The following IDH3B variants were observed in gnomAD, a reference collection of about 807,000 sequenced individuals.
The protein encoded by IDH3B is isocitrate dehydrogenase [NAD] subunit beta, mitochondrial.
IDH3B carries 40 observed loss-of-function variants against 47.5 expected under a neutral mutation model. The ratio of observed to expected loss-of-function variants is 0.84; its 90% confidence interval spans 0.65 to 1.10. The LOEUF (loss-of-function observed/expected upper bound fraction) is 1.10, where lower values mean the gene tolerates loss of function less well. Among genes scored for constraint, IDH3B ranks in the 50% least tolerant of loss-of-function variants. IDH3B has a pLI of 0.00. For missense variants in IDH3B, 450 were observed against 505.2 expected, an observed-to-expected ratio of 0.89 and a Z score of 1.05; for synonymous variants, 185 against 191.0, an observed-to-expected ratio of 0.97 and a Z score of 0.26.
chr20:2,660,116 TA>T lies in IDH3B; in HGVS notation c.828del (p.Ile277LeufsTer43). ...ACCAGGCCAGCAGCCAGATTGTCAATAATGTTCCCATAGAGATTGGGCATCA... is the reference window on the plus strand; with the variant it reads ...ACCAGGCCAGCAGCCAGATTGTCAATATGTTCCCATAGAGATTGGGCATCA... ...VLVMPNLYGNIIDNLAAGLVG... is the reference protein window; with the variant it reads ...VLVMPNLYGNXIDNLAAGLVG... On this transcript the variant is annotated frameshift_variant, in exon 9 of 12. Transcript: ENST00000380843. LOFTEE classifies it high-confidence loss of function. The surrounding 1 kb of genome is among the most constrained non-coding windows in gnomAD (Gnocchi z 5.6). 6.2e-7 allele frequency: 1 copy of T among 1,614,092 alleles called. No individual in the cohort carries two copies. Among genetic ancestry groups the T allele is most frequent in the South Asian group, 1.1e-5 (1 of 91,072 alleles).
At chr20:2,663,378 G>T (rs2086984120) in intron 4 of IDH3B, 68 bp downstream of exon 4, 2 of 1,575,010 alleles carry the variant, frequency 1.3e-6, no homozygotes, top group Admixed American at 1.7e-5. Flanking sequence ...TGGGGAGAAG[G>T]GCTTAATAAA....
chr20:2,658,902 C>CAA, intron 11 of IDH3B, 65 bp from the exon 12 acceptor site: 1 of 1,606,258 alleles, frequency 6.2e-7, no homozygotes, highest in Non-Finnish European at 8.5e-7. Context: ...GGAGGTAGGG[C>CAA]AATGTGATTG....
intron 4 of IDH3B, 112 bp downstream of exon 4, chr20:2,663,329 ATGGTG>A: frequency 8.2e-7 from 1 of 1,215,496 alleles, no homozygotes; most frequent in Non-Finnish European, 1.2e-6. Flanking sequence ...CCAAATACCA[ATGGTG>A]GTTGCCCTGG....
In IDH3B at chr20:2,660,873, C is replaced by T. The variant is rs747805919; in HGVS notation, c.398+36G>A. 3 of 1,614,198 alleles carry T rather than the reference C, an allele frequency of 1.9e-6. No individual in the cohort carries two copies. The highest frequency in any genetic ancestry group is 2.2e-5 in the South Asian group (2 of 91,084). On this transcript the variant is annotated intron_variant, in intron 5 of 11. Transcript: ENST00000380843. This position sits in a 1 kb window ranked among gnomAD's most constrained non-coding sequence, Gnocchi z 5.6. ...ATCAGCTCTGCTCCTGGTGCCCTGG[C>T]ACCTCTCAACCATTCACCCCACCCA...
intron 11 of IDH3B, 132 bp downstream of exon 11, chr20:2,659,393 G>GT: frequency 6.4e-7 from 1 of 1,553,910 alleles, no homozygotes; most frequent in Non-Finnish European, 8.9e-7. Flanking sequence ...ATGCAGGGAT[G>GT]TCAGGGAGCA....
In IDH3B at chr20:2,659,577, T is replaced by C. The variant is rs1568547187; in HGVS notation, c.1019A>G (p.Tyr340Cys). ...SNMLRHLNLE[Y>C]HSSMIADAVK... ...CGCATCTGCGATCATGCTGGAGTGATACTCAAGACTGTGGATATGGACAGG... is the reference window on the plus strand; with the variant it reads ...CGCATCTGCGATCATGCTGGAGTGACACTCAAGACTGTGGATATGGACAGG... The change falls in exon 11 of 12, where the codon TAT (tyrosine) becomes TGT (cysteine). Residue 340 changes from tyrosine to cysteine, a missense_variant. Tyr to Cys is a radical substitution (Grantham distance 194). Transcript: ENST00000380843. 3 of 1,614,220 alleles carry C rather than the reference T, an allele frequency of 1.9e-6. No homozygotes were observed. Among genetic ancestry groups the C allele is most frequent in the Non-Finnish European group, 8.5e-7 (1 of 1,180,014 alleles).
Position 2,660,320 on chromosome 20 carries a change from A to G in IDH3B, c.711T>C (p.Ala237=), listed in dbSNP as rs200478735. 2 of 1,614,106 alleles carry G rather than the reference A, an allele frequency of 1.2e-6. No individual in the cohort carries two copies. The highest frequency in any genetic ancestry group is 1.7e-6 in the Non-Finnish European group (2 of 1,179,994). The change falls in exon 8 of 12, where the codon GCT becomes GCC. Residue 237 remains alanine, a synonymous_variant. Transcript: ENST00000380843. The surrounding 1 kb of genome is among the most constrained non-coding windows in gnomAD (Gnocchi z 5.6). ...CAAATTTGATTTTGGGGTACAGTTC[A>G]GCAACTTCCTCACAGCACTGCAGGA... ...GLFLQCCEEV[A]ELYPKIKFET... is the part of the protein sequence containing the mutation.
chr20:2,659,875 G>A, intron 9 of IDH3B, 82 bp from the exon 10 acceptor site: 3 of 1,424,308 alleles, frequency 2.1e-6, no homozygotes, highest in Non-Finnish European at 3.0e-6. Flanking sequence ...GACATTATGG[G>A]AGGGGGAGCT....
rs1241447666 is a variant in IDH3B, at chr20:2,658,528, G to A, written c.*223C>T. ...CCCATGTCAGAGGTTCGAACCTGTGGGGGAGAATCATCATCATCCATGTGG... is the reference window on the plus strand; with the variant it reads ...CCCATGTCAGAGGTTCGAACCTGTGAGGGAGAATCATCATCATCCATGTGG... On this transcript the variant is annotated 3_prime_UTR_variant, in exon 12 of 12. Coordinates refer to ENST00000380843, the MANE Select transcript of IDH3B (RefSeq NM_006899.5). The A allele has an allele frequency of 1.2e-6, 2 of 1,613,824 alleles. No individual in the cohort carries two copies. The highest frequency in any genetic ancestry group is 1.7e-5 in the Admixed American group (1 of 59,954).
At position 2,660,495 on chromosome 20, in the gene IDH3B, C is replaced by T. The variant is rs779149657; in HGVS notation, c.627G>A (p.Gly209=). 6.2e-7 allele frequency: 1 copy of T among 1,614,154 alleles called. No homozygotes were observed. The highest frequency in any genetic ancestry group is 8.5e-7 in the Non-Finnish European group (1 of 1,180,020). Residue 209 remains glycine, a synonymous_variant, in exon 7 of 12, where the codon GGG becomes GGA. Coordinates refer to ENST00000380843, the MANE Select transcript of IDH3B (RefSeq NM_006899.5). This position sits in a 1 kb window ranked among gnomAD's most constrained non-coding sequence, Gnocchi z 5.6. ...TGTGGACAGCAGTGACCTTGCCCCG[C>T]CCCTTCTTGGTGGCATAGTCAAAGG... ...KFAFDYATKK[G]RGKVTAVHKA...
At position 2,664,165 on chromosome 20, in the gene IDH3B, G is replaced by A. The variant is rs779504301; in HGVS notation, c.24C>T (p.Arg8=). 13 of 1,613,502 alleles carry A rather than the reference G, an allele frequency of 8.1e-6. No individual in the cohort carries two copies. Among genetic ancestry groups the A allele is most frequent in the Non-Finnish European group, 1.1e-5 (13 of 1,179,890 alleles). Residue 8 remains arginine, a synonymous_variant, in exon 1 of 12, where the codon CGC becomes CGT. Transcript: ENST00000380843. ...CCCGGGGCCTCACTCGGGTCAGCCAGCGGACTCCGCTCAATGCCGCCATGT... is the reference window on the plus strand; with the variant it reads ...CCCGGGGCCTCACTCGGGTCAGCCAACGGACTCCGCTCAATGCCGCCATGT... MAALSGV[R]WLTRALVSAG... is the part of the protein sequence containing the mutation.
intron 11 of IDH3B, 68 bp downstream of exon 11, chr20:2,659,457 G>A: frequency 6.4e-7 from 1 of 1,561,884 alleles, no homozygotes; most frequent in East Asian, 2.2e-5. Context: ...TCCCCAGAGG[G>A]TAGTGCCGAG....
chr20:2,658,650 C>G lies in IDH3B; in HGVS notation c.*101G>C. ...ACCTAGGCTCTACCCAGCAAGGTGA[C>G]CATGGTCCACTGCTTAGAGGCACAA... is the stretch of plus-strand genomic sequence containing the variant. On this transcript the variant is annotated 3_prime_UTR_variant, in exon 12 of 12. Coordinates refer to ENST00000380843, the MANE Select transcript of IDH3B (RefSeq NM_006899.5). 1 of 1,613,928 alleles carries G rather than the reference C, an allele frequency of 6.2e-7. No homozygotes were observed. Among genetic ancestry groups the G allele is most frequent in the Non-Finnish European group, 8.5e-7 (1 of 1,179,870 alleles).
At chr20:2,661,239 C>G (rs2086943753) in intron 4 of IDH3B, among the ~76,000 whole-genome samples, 1 of 152,126 alleles carries the variant, frequency 6.6e-6, no homozygotes, top group African/African-American at 2.4e-5. Flanking sequence ...CTCTGTCGCC[C>G]AGGCTGGAGT....
In IDH3B at chr20:2,658,777, C is replaced by G. The variant is rs376112899; in HGVS notation, c.1132G>C (p.Gly378Arg). The G allele has an allele frequency of 2.5e-6, 4 of 1,614,108 alleles. No individual in the cohort carries two copies. The highest frequency in any genetic ancestry group is 3.4e-6 in the Non-Finnish European group (4 of 1,180,032). ...TAGCTCCCTTTAGTCTGCAGGTGAC[C>G]GATGACAGACTTGATGAAGTCGGTT... ...TTTDFIKSVI[G>R]HLQTKGS The change falls in exon 12 of 12, where the codon GGT becomes CGT. Residue 378 changes from glycine to arginine, a missense_variant. Transcript: ENST00000380843.
chr20:2,664,205 C>A lies in IDH3B; in HGVS notation c.-17G>T, dbSNP rs552021180. The A allele has an allele frequency of 7.1e-5, 114 of 1,612,616 alleles. No homozygotes were observed. Among genetic ancestry groups the A allele is most frequent in the Non-Finnish European group, 9.2e-5 (109 of 1,179,524 alleles). ...TGCCGCCATGTTTCCCGCAGGAAGTCGCGTGGGAAGTGACGCCTGAAGCTG... is the reference window on the plus strand; with the variant it reads ...TGCCGCCATGTTTCCCGCAGGAAGTAGCGTGGGAAGTGACGCCTGAAGCTG... On this transcript the variant is annotated 5_prime_UTR_variant, in exon 1 of 12. Coordinates refer to ENST00000380843, the MANE Select transcript of IDH3B (RefSeq NM_006899.5).
chr20:2,661,994 CCA>C (rs1171750469), intron 4 of IDH3B, among the ~76,000 whole-genome samples: 1 of 151,972 alleles, frequency 6.6e-6, no homozygotes, highest in Non-Finnish European at 1.5e-5. Flanking sequence ...GGGAAGAAAA[CCA>C]CAGATATTGG....
chr20:2,659,951 AG>A (rs756889272), intron 9 of IDH3B, 78 bp downstream of exon 9: 154 of 1,577,232 alleles, frequency 9.8e-5, no homozygotes, highest in Non-Finnish European at 1.3e-4. Context: ...AAGATCACTT[AG>A]GAAGTGGAGA....
chr20:2,664,112 C>A (rs1295347526), intron 1 of IDH3B, 41 bp downstream of exon 1: 3 of 1,607,386 alleles, frequency 1.9e-6, no homozygotes, highest in Non-Finnish European at 2.5e-6. Context: ...AAACTCTCCG[C>A]TCCTTCGCCC....
Sources: gnomAD v4.1 joint callset for allele counts (sites outside exome capture counted in the v4.1 genomes callset) on GRCh38, gnomAD v4.1.1 for gene constraint, Gnocchi (gnomAD v3.1) non-coding constraint, MANE v1.5 for transcripts, NCBI Gene and HGNC (gene_info 2026-07-23, HGNC 2026-07-21) for gene names.